Variants in CERS6 observed in about 807,000 individuals in gnomAD.
CERS6 encodes ceramide synthase 6.
In CERS6, 26 loss-of-function variants were observed where a neutral mutation model predicts 56.8. That is an observed-to-expected ratio of 0.46 (90% CI 0.34 to 0.63). The LOEUF is 0.63. CERS6 is among the 30% of genes least tolerant of loss of function. CERS6 has a pLI of 0.01. For synonymous variants in CERS6, 164 were observed against 173.3 expected (o/e 0.95, Z 0.42); for missense variants, 415 against 467.5 (o/e 0.89, Z 1.04).
chr2:168,593,787 C>T (rs918758551), intron 3 of CERS6, among the ~76,000 whole-genome samples: 98 of 152,226 alleles, frequency 6.4e-4, no homozygotes, highest in African/African-American at 2.3e-3. Context: ...CCTAGAATAA[C>T]CTGTATTTAT....
intron 1 of CERS6, among the ~76,000 whole-genome samples, chr2:168,464,879 A>G (rs1404971103): frequency 6.6e-6 from 1 of 152,240 alleles, no homozygotes; most frequent in East Asian, 1.9e-4. Flanking sequence ...AAACAAAGAA[A>G]CAAACAGAAT....
intron 3 of CERS6, among the ~76,000 whole-genome samples, chr2:168,564,334 C>T (rs531283464): frequency 6.6e-6 from 1 of 152,306 alleles, no homozygotes; most frequent in African/African-American, 2.4e-5. Context: ...AGTCAATCAG[C>T]CACTGAGTTC....
At chr2:168,672,728 T>A (rs1298528316) in intron 4 of CERS6, among the ~76,000 whole-genome samples, 1 of 152,232 alleles carries the variant, frequency 6.6e-6, no homozygotes, top group Non-Finnish European at 1.5e-5. Flanking sequence ...TATCTTATAT[T>A]CAGCAAATCT....
chr2:168,570,880 C>T (rs1695973157), intron 3 of CERS6, among the ~76,000 whole-genome samples: 2 of 152,102 alleles, frequency 1.3e-5, no homozygotes, highest in Non-Finnish European at 2.9e-5. Context: ...GTGCTTGGTT[C>T]CCTTTCAAAT....
chr2:168,475,717 G>C (rs966232116), intron 1 of CERS6, among the ~76,000 whole-genome samples: 2 of 152,114 alleles, frequency 1.3e-5, no homozygotes, highest in Non-Finnish European at 2.9e-5. Context: ...AATATTTCTT[G>C]GTTTTAGAAA....
At chr2:168,704,976 T>A (rs1248525375) in intron 6 of CERS6, among the ~76,000 whole-genome samples, 1 of 152,204 alleles carries the variant, frequency 6.6e-6, no homozygotes. Context: ...GTCACTTATA[T>A]GTGTTTTCCA....
chr2:168,728,883 C>T (rs1206859563), intron 8 of CERS6, among the ~76,000 whole-genome samples: 2 of 151,716 alleles, frequency 1.3e-5, no homozygotes, highest in East Asian at 2.0e-4. Flanking sequence ...GCACACGCCT[C>T]TGTAATCCCA....
chr2:168,670,475 C>G (rs1359976338), intron 4 of CERS6, among the ~76,000 whole-genome samples: 1 of 152,216 alleles, frequency 6.6e-6, no homozygotes, highest in African/African-American at 2.4e-5. Flanking sequence ...GACACACAAA[C>G]TTAGAAATGG....
chr2:168,514,709 A>C (rs1468183716), intron 1 of CERS6, among the ~76,000 whole-genome samples: 1 of 152,230 alleles, frequency 6.6e-6, no homozygotes, highest in Non-Finnish European at 1.5e-5. Context: ...TTAGAAAACA[A>C]CTGCTCAGAT....
chr2:168,490,649 T>G (rs1387861668), intron 1 of CERS6, among the ~76,000 whole-genome samples: 2 of 152,160 alleles, frequency 1.3e-5, no homozygotes, highest in Non-Finnish European at 2.9e-5. Flanking sequence ...CAACCCATAC[T>G]TCCCTTTGTT....
rs1192700950 is a variant in CERS6, at chr2:168,501,673, C to G, written c.170+45055C>G. Reference sequence around the variant, plus strand: ...AGGACAAAATTAAAAGTTTTTGTGACTTTTGCCAGACCAGCTGTCTTTTAA... The same window carrying G: ...AGGACAAAATTAAAAGTTTTTGTGAGTTTTGCCAGACCAGCTGTCTTTTAA... On this transcript the variant is annotated intron_variant, in intron 1 of 9. Transcript: ENST00000305747. 3.3e-5 allele frequency among the ~76,000 whole-genome samples: 5 copies of G among 152,198 alleles called. No individual in the cohort carries two copies. In the East Asian group the frequency reaches 9.6e-4, roughly 29 times the overall value.
chr2:168,704,788 G>A (rs1166515721), intron 6 of CERS6, among the ~76,000 whole-genome samples: 3 of 152,092 alleles, frequency 2.0e-5, no homozygotes, highest in South Asian at 2.1e-4. Flanking sequence ...TAGTAGAGAC[G>A]GGCATTTCAC....
At chr2:168,585,371 G>A (rs996538619) in intron 3 of CERS6, among the ~76,000 whole-genome samples, 1 of 152,234 alleles carries the variant, frequency 6.6e-6, no homozygotes, top group African/African-American at 2.4e-5. Context: ...CATTCCCCAA[G>A]GAGCTCATGT....
chr2:168,587,043 C>T (rs1017392538), intron 3 of CERS6, among the ~76,000 whole-genome samples: 5 of 151,990 alleles, frequency 3.3e-5, no homozygotes, highest in South Asian at 2.1e-4. Flanking sequence ...TGTTGGTGTG[C>T]GCCTGTAGTC....
intron 1 of CERS6, among the ~76,000 whole-genome samples, chr2:168,471,812 A>G (rs896983414): frequency 6.6e-6 from 1 of 152,228 alleles, no homozygotes; most frequent in South Asian, 2.1e-4. Flanking sequence ...AAGCCAATCT[A>G]AGAGTCCGGC....
At chr2:168,571,256 A>T (rs1695980631) in intron 3 of CERS6, among the ~76,000 whole-genome samples, 4 of 151,712 alleles carry the variant, frequency 2.6e-5, no homozygotes. Context: ...TTCTGCTTGG[A>T]GCTGGAGTGT....
chr2:168,682,504 G>A (rs953984339), intron 4 of CERS6, among the ~76,000 whole-genome samples: 5 of 152,074 alleles, frequency 3.3e-5, no homozygotes, highest in South Asian at 2.1e-4. Flanking sequence ...TAACATTTCC[G>A]TAGCTCATCT....
chr2:168,671,247 G>C (rs1685910797), intron 4 of CERS6, among the ~76,000 whole-genome samples: 1 of 152,020 alleles, frequency 6.6e-6, no homozygotes, highest in African/African-American at 2.4e-5. Flanking sequence ...TTACAGACAT[G>C]AGCCGCTGGG....
In CERS6 at chr2:168,456,340, C is replaced by T. The variant is rs1368907507; in HGVS notation, c.-109C>T. The stretch of plus-strand genomic sequence containing the variant: ...CGGCGGCGGCGGGCGGGAGCAGCGG[C>T]GGCGGCGGCACAGGCTCGGGGCCAG... On this transcript the variant is annotated 5_prime_UTR_variant, in exon 1 of 10. Transcript: ENST00000305747. This position sits in a 1 kb window ranked among gnomAD's most constrained non-coding sequence, Gnocchi z 4.1. The T allele has an allele frequency of 4.8e-5, 32 of 665,304 alleles. No individual in the cohort carries two copies. Among genetic ancestry groups the T allele is most frequent in the Non-Finnish European group, 6.5e-5 (32 of 493,078 alleles). 41.2% of individuals were successfully genotyped at this position (665,304 alleles called of 1,614,324 possible).
Sources: gnomAD v4.1 joint callset for allele counts (sites outside exome capture counted in the v4.1 genomes callset) on GRCh38, gnomAD v4.1.1 for gene constraint, Gnocchi (gnomAD v3.1) non-coding constraint, MANE v1.5 for transcripts, NCBI Gene and HGNC (gene_info 2026-07-23, HGNC 2026-07-21) for gene names.